Variants in TMEM165 observed in about 807,000 individuals in gnomAD.
TMEM165 encodes putative divalent cation/proton antiporter TMEM165.
In TMEM165, 19 loss-of-function variants were observed where a neutral mutation model predicts 30.0. That is an observed-to-expected ratio of 0.63 (90% confidence interval 0.44 to 0.93). The LOEUF (loss-of-function observed/expected upper bound fraction) is 0.93. TMEM165 is among the 40% of genes least tolerant of loss of function. The pLI, the probability that TMEM165 is intolerant of heterozygous loss-of-function variation, is 0.00. For missense variants in TMEM165, 340 were observed against 417.0 expected (o/e 0.82, Z 1.61); for synonymous variants, 168 against 162.9 (o/e 1.03, Z -0.24).
At chr4:55,446,972 G>A (rs1421403216) in intron 3 of TMEM165, among the ~76,000 whole-genome samples, 1 of 151,672 alleles carries the variant, frequency 6.6e-6, no homozygotes, top group African/African-American at 2.4e-5. Context: ...ACAATAACCA[G>A]ACCATATCAT....
intron 1 of TMEM165, among the ~76,000 whole-genome samples, chr4:55,410,081 T>C (rs912614378): frequency 6.6e-6 from 1 of 152,156 alleles, no homozygotes; most frequent in Non-Finnish European, 1.5e-5. Context: ...CCCTCCTCCT[T>C]GCCTCCCACC....
intron 1 of TMEM165, chr4:55,398,885 A>G (rs1720839437): frequency 1.7e-5 from 2 of 115,292 alleles, no homozygotes; most frequent in Non-Finnish European, 3.9e-5. Context: ...AAAAAAAAAA[A>G]AAACAACAAC....
intron 3 of TMEM165, chr4:55,435,019 T>C (rs759312782): frequency 7.6e-6 from 2 of 264,652 alleles, no homozygotes; most frequent in East Asian, 9.2e-5. Context: ...ACCCCTGACA[T>C]GGCAGTGGTA....
chr4:55,427,625 G>C (rs938898792), downstream of TMEM165, among the ~76,000 whole-genome samples: 2 of 152,182 alleles, frequency 1.3e-5, no homozygotes, highest in African/African-American at 4.8e-5. Flanking sequence ...GATTACAGGC[G>C]TGAGCCACCG....
intron 3 of TMEM165, chr4:55,435,197 T>A (rs1722786088): frequency 1.0e-5 from 6 of 572,196 alleles, no homozygotes; most frequent in Non-Finnish European, 1.9e-5. Context: ...CTGTCAGAAC[T>A]GGCTATGCCC....
At chr4:55,420,145 AT>A (rs11317965) in intron 4 of TMEM165, among the ~76,000 whole-genome samples, 15,054 of 49,676 alleles carry the variant, frequency 0.3, 3,120 homozygotes, top group African/African-American at 0.55. Context: ...TTATTTATTT[AT>A]TTTATTTATT....
At position 55,443,541 on chromosome 4, in the gene TMEM165, TTAA is replaced by T. The variant is rs942712070; in HGVS notation, c.409-8693_409-8691del. 1.0e-5 allele frequency: 7 copies of T among 690,180 alleles called. No individual in the cohort carries two copies. The African/African-American group carries it at 1.3e-4, about 12-fold the overall frequency. The allele number at this position is 690,180 out of a possible 1,614,324, so 42.8% of individuals were successfully genotyped here. A position where few individuals can be genotyped will look rare whatever the true frequency, so the allele number is the denominator to read the frequency against. On this transcript the variant is annotated intron_variant, in intron 3 of 3. Transcript: ENST00000608091. Reference sequence around the variant, plus strand: ...ACTAACATGATTTGCACAAAATATTTTAATAATCACTCTCAATACTATACTTTC... The same window carrying T: ...ACTAACATGATTTGCACAAAATATTTTAATCACTCTCAATACTATACTTTC...
chr4:55,427,713 T>G (rs1488078364), downstream of TMEM165, among the ~76,000 whole-genome samples: 1 of 152,142 alleles, frequency 6.6e-6, no homozygotes, highest in African/African-American at 2.4e-5. Flanking sequence ...TCGTGTAACC[T>G]CAGTTCAGGT....
chr4:55,445,582 C>CTTTTTTTTTTTTTTTTTTTTTTTTTT lies in TMEM165; in HGVS notation c.409-6656_409-6631dup, dbSNP rs56157186. Reference sequence around the variant, plus strand: ...TCTCTGCATCTGCTATTTCTATATTCTTTTTTTTTTTTTTTTTTTTTTTTT... The same window carrying CTTTTTTTTTTTTTTTTTTTTTTTTTT: ...TCTCTGCATCTGCTATTTCTATATTCTTTTTTTTTTTTTTTTTTTTTTTTTTTTTTTTTTTTTTTTTTTTTTTTTTT... On this transcript the variant is annotated intron_variant, in intron 3 of 3. Coordinates refer to the TMEM165 transcript ENST00000608091. 8.2e-4 allele frequency among the ~76,000 whole-genome samples: 56 copies of CTTTTTTTTTTTTTTTTTTTTTTTTTT among 68,592 alleles called. 13 individuals carry two copies. Among genetic ancestry groups the CTTTTTTTTTTTTTTTTTTTTTTTTTT allele is most frequent in the East Asian group, 4.0e-3 (8 of 2,022 alleles). The allele number at this position is 68,592 out of a possible 152,430, so 45.0% of individuals were successfully genotyped here.
At chr4:55,400,535 T>C (rs528333432) in intron 1 of TMEM165, among the ~76,000 whole-genome samples, 21 of 148,548 alleles carry the variant, frequency 1.4e-4, no homozygotes, top group Admixed American at 1.4e-3. Context: ...CCTTCCAGGC[T>C]CACGCCATTC....
intron 3 of TMEM165, among the ~76,000 whole-genome samples, chr4:55,437,449 T>G (rs1471729031): frequency 1.3e-5 from 2 of 152,216 alleles, no homozygotes; most frequent in Non-Finnish European, 2.9e-5. Context: ...ATTTCTCTGC[T>G]GAGGATCTTG....
downstream of TMEM165, chr4:55,429,009 T>A (rs1452347980): frequency 6.8e-6 from 1 of 147,726 alleles, no homozygotes; most frequent in African/African-American, 2.5e-5. Flanking sequence ...AGACATTTCC[T>A]GGCCAATTTT....
At chr4:55,419,360 T>C (rs534327585) in intron 4 of TMEM165, among the ~76,000 whole-genome samples, 19 of 152,254 alleles carry the variant, frequency 1.2e-4, no homozygotes, top group African/African-American at 4.6e-4. Context: ...TCCTAAGTTC[T>C]GGAGTGGGAA....
chr4:55,450,795 T>C (rs1724372191), intron 3 of TMEM165, among the ~76,000 whole-genome samples: 1 of 150,758 alleles, frequency 6.6e-6, no homozygotes, highest in African/African-American at 2.4e-5. Flanking sequence ...TAACTCAAAA[T>C]GAATCACAGA....
chr4:55,434,661 A>T (rs1460641744), intron 3 of TMEM165: 1 of 152,684 alleles, frequency 6.5e-6, no homozygotes, highest in African/African-American at 2.4e-5. Flanking sequence ...CAGCCAAAGT[A>T]TGAACAAAAA....
chr4:55,443,120 T>C lies in TMEM165; in HGVS notation c.409-9119T>C, dbSNP rs528232287. Among the ~76,000 whole-genome samples the C allele has an allele frequency of 2.0e-4, 30 of 152,240 alleles. 2 individuals are homozygous for C. The South Asian group carries it at 4.6e-3, about 23-fold the overall frequency. On this transcript the variant is annotated intron_variant, in intron 3 of 3. Coordinates refer to the TMEM165 transcript ENST00000608091. ...AAGTCATACCTTTTAAACACAGAAA[T>C]AGTCTAAGTTACAAGAACTTGGTAT...
Position 55,411,967 on chromosome 4 carries a change from A to G in TMEM165, c.433+128A>G, listed in dbSNP as rs184402496. On this transcript the variant is annotated intron_variant, in intron 2 of 5. Transcript: ENST00000381334. ...CTTACACCTTATTTGTGGTCTTCCAACCTTTTCCTTGTGTATCCTTTCCTT... is the reference window on the plus strand; with the variant it reads ...CTTACACCTTATTTGTGGTCTTCCAGCCTTTTCCTTGTGTATCCTTTCCTT... 1,844 of 831,608 alleles carry G rather than the reference A, an allele frequency of 2.2e-3. 10 individuals carry two copies. Among genetic ancestry groups the G allele is most frequent in the Non-Finnish European group, 2.0e-3 (988 of 503,196 alleles). 51.5% of individuals were successfully genotyped at this position (831,608 alleles called of 1,614,324 possible). A position where few individuals can be genotyped will look rare whatever the true frequency, so the allele number is the denominator to read the frequency against.
At position 55,409,197 on chromosome 4, in the gene TMEM165, T is replaced by C. The variant is rs181039843; in HGVS notation, c.208-2417T>C. On this transcript the variant is annotated intron_variant, in intron 1 of 5. Transcript: ENST00000381334. The stretch of plus-strand genomic sequence containing the variant: ...AACAAATACTTTCCATTTTGTTAAA[T>C]TTCTCCAGTATTTAGCTCAGAGGTC... 3.4e-3 allele frequency among the ~76,000 whole-genome samples: 516 copies of C among 152,332 alleles called. 2 individuals are homozygous for C. The highest frequency in any genetic ancestry group is 0.022 in the South Asian group (107 of 4,820).
chr4:55,416,579 G>A (rs182479218), intron 2 of TMEM165, among the ~76,000 whole-genome samples: 14 of 152,264 alleles, frequency 9.2e-5, no homozygotes, highest in African/African-American at 3.4e-4. Flanking sequence ...AGGGAGCAGA[G>A]TTTAAATCTT....
Sources: gnomAD v4.1 joint callset for allele counts (sites outside exome capture counted in the v4.1 genomes callset) on GRCh38, gnomAD v4.1.1 for gene constraint, MANE v1.5 for transcripts, NCBI Gene and HGNC (gene_info 2026-07-23, HGNC 2026-07-21) for gene names.